Variants in ADAM2 observed in about 807,000 individuals in gnomAD.
ADAM2 encodes the protein disintegrin and metalloproteinase domain-containing protein 2.
Under a neutral mutation model 99.3 loss-of-function variants are expected in ADAM2, and 101 were observed. The observed-to-expected ratio is 1.02, with a 90% CI of 0.87 to 1.20. ADAM2 has a LOEUF of 1.20. Among genes scored for constraint, ADAM2 ranks in the 50% most tolerant of loss-of-function variants. ADAM2 has a pLI of 0.00. For missense variants in ADAM2, 948 were observed against 878.7 expected (o/e 1.08, Z -1.00); for synonymous variants, 323 against 287.6 (o/e 1.12, Z -1.25).
chr8:39,813,837 C>A (rs1804805572), intron 6 of ADAM2, among the ~76,000 whole-genome samples: 4 of 152,098 alleles, frequency 2.6e-5, no homozygotes, highest in Non-Finnish European at 5.9e-5. Flanking sequence ...TTAATGGGTG[C>A]AGCACACCAA....
At chr8:39,786,185 A>C (rs945452931) in intron 10 of ADAM2, among the ~76,000 whole-genome samples, 1 of 152,166 alleles carries the variant, frequency 6.6e-6, no homozygotes, top group Non-Finnish European at 1.5e-5. Context: ...AAAACTAACT[A>C]GTGGGTACTA....
At chr8:39,797,223 G>A (rs907133507) in intron 7 of ADAM2, among the ~76,000 whole-genome samples, 1 of 152,164 alleles carries the variant, frequency 6.6e-6, no homozygotes, top group African/African-American at 2.4e-5. Flanking sequence ...GTTAATTTTT[G>A]TATAAGGTGT....
intron 9 of ADAM2, among the ~76,000 whole-genome samples, chr8:39,787,646 T>C (rs1803526474): frequency 6.6e-6 from 1 of 151,434 alleles, no homozygotes; most frequent in South Asian, 2.1e-4. Context: ...GGAAGGCTAA[T>C]GTACTAAAAC....
Position 39,813,956 on chromosome 8 carries a change from G to A in ADAM2, c.514-4490C>T, listed in dbSNP as rs531867145. On this transcript the variant is annotated intron_variant, in intron 6 of 20. Transcript: ENST00000265708. ...ATAAAATAAATATATGTAAATAAAT[G>A]TGTGTGTTGAAAAGGTGGGCAGAAA... 1.0e-3 allele frequency among the ~76,000 whole-genome samples: 158 copies of A among 151,468 alleles called. 1 individual carries two copies. Among genetic ancestry groups the A allele is most frequent in the Non-Finnish European group, 1.2e-3 (78 of 67,816 alleles).
At chr8:39,769,605 T>A (rs747274884) in intron 11 of ADAM2, 30 bp from the exon 12 acceptor site, 2 of 1,535,362 alleles carry the variant, frequency 1.3e-6, no homozygotes, top group Non-Finnish European at 1.8e-6. Context: ...CAAATTTTAA[T>A]GTAAGGGTTT....
At chr8:39,814,820 T>A (rs1804871745) in intron 6 of ADAM2, among the ~76,000 whole-genome samples, 1 of 150,972 alleles carries the variant, frequency 6.6e-6, no homozygotes, top group Non-Finnish European at 1.5e-5. Context: ...GGTAAAGCCA[T>A]AGAACTATAT....
At chr8:39,790,609 T>C (rs1803668267) in intron 7 of ADAM2, among the ~76,000 whole-genome samples, 2 of 151,996 alleles carry the variant, frequency 1.3e-5, no homozygotes, top group Admixed American at 6.6e-5. Flanking sequence ...ATTAGATTAT[T>C]GTTATTATTG....
chr8:39,789,616 A>G (rs966543238), intron 7 of ADAM2, among the ~76,000 whole-genome samples: 2 of 151,810 alleles, frequency 1.3e-5, no homozygotes, highest in African/African-American at 4.8e-5. Context: ...AGTGAAATTG[A>G]GTGCCCAGAA....
chr8:39,777,177 A>T lies in ADAM2; in HGVS notation c.892-16T>A. On this transcript the variant is annotated splice_polypyrimidine_tract_variant and intron_variant, in intron 10 of 20. Transcript: ENST00000265708. ...TTCTGGGGTGCTGAGAAAAAAAAAT[A>T]GATGTACACGTTTTGGGAGATTATT... is the stretch of plus-strand genomic sequence containing the variant. The T allele has an allele frequency of 6.3e-7, 1 of 1,588,978 alleles. No individual in the cohort carries two copies. The highest frequency in any genetic ancestry group is 2.2e-5 in the East Asian group (1 of 44,564).
intron 6 of ADAM2, among the ~76,000 whole-genome samples, chr8:39,811,269 C>G (rs1321391517): frequency 6.6e-6 from 1 of 152,204 alleles, no homozygotes; most frequent in African/African-American, 2.4e-5. Context: ...AGACCAATAA[C>G]AGGCTCTGAA....
chr8:39,769,610 G>A, intron 11 of ADAM2, 35 bp from the exon 12 acceptor site: 1 of 1,497,502 alleles, frequency 6.7e-7, no homozygotes, highest in Non-Finnish European at 9.2e-7. Context: ...TTTAATGTAA[G>A]GGTTTCCATA....
At chr8:39,754,949 T>G (rs547393549) in intron 16 of ADAM2, among the ~76,000 whole-genome samples, 1 of 152,330 alleles carries the variant, frequency 6.6e-6, no homozygotes, top group East Asian at 1.9e-4. Flanking sequence ...TCCATGTGTG[T>G]GTGCATGTCT....
chr8:39,787,185 G>A (rs1426358235), intron 9 of ADAM2, 130 bp from the exon 10 acceptor site: 1 of 465,486 alleles, frequency 2.1e-6, no homozygotes, highest in Non-Finnish European at 3.8e-6. Context: ...AGCATAAGAT[G>A]TGACTAAATC....
At chr8:39,760,537 C>T (rs1004213318) in intron 15 of ADAM2, among the ~76,000 whole-genome samples, 15 of 152,016 alleles carry the variant, frequency 9.9e-5, no homozygotes, top group African/African-American at 3.4e-4. Flanking sequence ...CTGGCTAACA[C>T]GGTGAAACCC....
intron 2 of ADAM2, among the ~76,000 whole-genome samples, chr8:39,835,163 C>T (rs1359775380): frequency 6.6e-6 from 1 of 152,102 alleles, no homozygotes; most frequent in African/African-American, 2.4e-5. Flanking sequence ...TTTATAAAGC[C>T]ATTTCTTATT....
intron 7 of ADAM2, among the ~76,000 whole-genome samples, chr8:39,802,192 T>C: frequency 6.6e-6 from 1 of 152,192 alleles, no homozygotes; most frequent in East Asian, 1.9e-4. Context: ...CTGGGTTGTG[T>C]GCTCACTCAC....
At chr8:39,785,566 C>CG (rs897288271) in intron 10 of ADAM2, among the ~76,000 whole-genome samples, 1 of 152,058 alleles carries the variant, frequency 6.6e-6, no homozygotes, top group Non-Finnish European at 1.5e-5. Context: ...GAGACCAAGG[C>CG]GGGGGGATCA....
At position 39,769,497 on chromosome 8, in the gene ADAM2, C is replaced by T. The variant is rs754723346; in HGVS notation, c.1107G>A (p.Gln369=). The T allele has an allele frequency of 2.5e-6, 4 of 1,613,622 alleles. No homozygotes were observed. Among genetic ancestry groups the T allele is most frequent in the East Asian group, 2.2e-5 (1 of 44,890 alleles). ...FAHFISKQKS[Q]CLHNQPRLDP... ...CTAAGCGAGGCTGATTGTGAAGACACTGGGACTTCTGCTTTGAAATAAAAT... is the reference window on the plus strand; with the variant it reads ...CTAAGCGAGGCTGATTGTGAAGACATTGGGACTTCTGCTTTGAAATAAAAT... The change falls in exon 12 of 21, where the codon CAG becomes CAA. Residue 369 remains glutamine, a synonymous_variant. Coordinates refer to ENST00000265708, the MANE Select transcript of ADAM2 (RefSeq NM_001464.5).
intron 14 of ADAM2, 22 bp downstream of exon 14, chr8:39,766,826 G>T: frequency 1.3e-6 from 2 of 1,532,374 alleles, no homozygotes; most frequent in Non-Finnish European, 1.8e-6. Context: ...GCATATATGA[G>T]AAATCAAATG....
Sources: gnomAD v4.1 joint callset for allele counts (sites outside exome capture counted in the v4.1 genomes callset) on GRCh38, gnomAD v4.1.1 for gene constraint, MANE v1.5 for transcripts, NCBI Gene and HGNC (gene_info 2026-07-23, HGNC 2026-07-21) for gene names.